CHI3L1: variants seen among roughly 807,000 people sequenced by gnomAD.
CHI3L1 encodes the protein chitinase-3-like protein 1.
CHI3L1 carries 30 observed loss-of-function variants against 40.7 expected under a neutral mutation model. That is an observed-to-expected ratio of 0.74 (90% confidence interval 0.55 to 1.00). The LOEUF is 1.00. CHI3L1 is among the 50% of genes least tolerant of loss of function. CHI3L1 has a pLI of 0.00. For synonymous variants in CHI3L1, 210 were observed against 192.1 expected (o/e 1.09, Z -0.77); for missense variants, 493 against 492.2 (o/e 1.00, Z -0.01).
chr1:203,183,492 C>A, intron 5 of CHI3L1, 149 bp downstream of exon 5: 1 of 767,844 alleles, frequency 1.3e-6, no homozygotes, highest in Non-Finnish European at 2.1e-6. Flanking sequence ...TATGTGAGAT[C>A]TTCAGGGCAC....
Position 203,181,058 on chromosome 1 carries a change from C to T in CHI3L1, c.711+104G>A, listed in dbSNP as rs955126150. On this transcript the variant is annotated intron_variant, in intron 7 of 9. Transcript: ENST00000255409. The stretch of plus-strand genomic sequence containing the variant: ...CTGTGGAATGGGCCTCATGACCCCC[C>T]TCTTGCAGGACTGTACTGAGGGCTA... 2.7e-5 allele frequency: 39 copies of T among 1,426,554 alleles called. No homozygotes were observed. The South Asian group carries it at 5.2e-4, about 19-fold the overall frequency. 88.4% of individuals were successfully genotyped at this position (1,426,554 alleles called of 1,614,324 possible).
chr1:203,179,824 G>A lies in CHI3L1; in HGVS notation c.948C>T (p.Val316=). The change falls in exon 9 of 10, where the codon GTC becomes GTT. Residue 316 remains valine (V), a synonymous_variant. Transcript: ENST00000255409. ...ACTGGTTGCCCTTGGTGGCATAGGG[G>A]ACCTGCTGGCCGAGGATTCTATGGA... ...ATVHRILGQQ[V]PYATKGNQWV... 6.2e-7 allele frequency: 1 copy of A among 1,614,174 alleles called. No homozygotes were observed. The highest frequency in any genetic ancestry group is 8.5e-7 in the Non-Finnish European group (1 of 1,180,012).
At chr1:203,180,241 C>T (rs1655905354) in intron 8 of CHI3L1, 1 of 574,814 alleles carries the variant, frequency 1.7e-6, no homozygotes, top group Non-Finnish European at 3.1e-6. Flanking sequence ...GCCCCATAGC[C>T]AGAGGGCTAT....
At position 203,184,606 on chromosome 1, in the gene CHI3L1, G is replaced by T. The variant is rs544815237; in HGVS notation, c.284C>A (p.Ser95Tyr). 1.9e-6 allele frequency: 3 copies of T among 1,614,100 alleles called. No homozygotes were observed. Among genetic ancestry groups the T allele is most frequent in the Non-Finnish European group, 2.5e-6 (3 of 1,179,956 alleles). Residue 95 changes from serine (S) to tyrosine (Y), a missense_variant, in exon 4 of 10, where the codon TCT becomes TAT. Transcript: ENST00000255409. ...NRNPNLKTLL[S>Y]VGGWNFGSQR... ...AGACCCAAAGTTCCATCCTCCGACA[G>T]ACAAGAGAGTCTTCAGGTTGGGGTT...
intron 3 of CHI3L1, among the ~76,000 whole-genome samples, chr1:203,184,944 G>A (rs1219630971): frequency 2.6e-5 from 4 of 152,068 alleles, no homozygotes; most frequent in African/African-American, 9.7e-5. Context: ...AGCACGTTAG[G>A]GGCAGGAGAG....
In CHI3L1 at chr1:203,179,452, GC is replaced by G. The variant is rs776309512; in HGVS notation, c.1144del (p.Ala382GlnfsTer55). Reference protein sequence around the residue: ...LTNAIKDALAAT With the variant: ...LTNAIKDALAXT ...TGTGTGCAGAACAGAGGGCTACGTT[GC>G]AGCGAGTGCATCCTTGATGGCATTG... On this transcript the variant is annotated frameshift_variant, in exon 10 of 10. Coordinates refer to ENST00000255409, the MANE Select transcript of CHI3L1 (RefSeq NM_001276.4). LOFTEE classifies it high-confidence loss of function. The G allele has an allele frequency of 4.6e-6, 7 of 1,536,440 alleles. No homozygotes were observed. The East Asian group carries it at 6.8e-5, about 15-fold the overall frequency.
chr1:203,185,175 T>G lies in CHI3L1; in HGVS notation c.257+9A>C, dbSNP rs1328880159. The G allele has an allele frequency of 6.2e-7, 1 of 1,611,922 alleles. No homozygotes were observed. Among genetic ancestry groups the G allele is most frequent in the East Asian group, 2.2e-5 (1 of 44,758 alleles). ...TGGTCCCTCCTCTCCTGGCCAGCCC[T>G]GGCCCAACCTGTTCTTGAGTGTGTT... On this transcript the variant is annotated intron_variant, in intron 3 of 9. Coordinates refer to ENST00000255409, the MANE Select transcript of CHI3L1 (RefSeq NM_001276.4).
At chr1:203,183,545 C>G (rs1655990688) in intron 5 of CHI3L1, 96 bp downstream of exon 5, 1 of 1,329,556 alleles carries the variant, frequency 7.5e-7, no homozygotes, top group Non-Finnish European at 1.1e-6. Context: ...CCCTCTTTAC[C>G]TGTCCTCAGG....
intron 6 of CHI3L1, 77 bp from the exon 7 acceptor site, chr1:203,181,362 C>T (rs1259258209): frequency 2.0e-6 from 3 of 1,520,340 alleles, no homozygotes; most frequent in Admixed American, 3.6e-5. Context: ...GTGGCTCATA[C>T]CTGGAATCCC....
Position 203,186,610 on chromosome 1 carries a change from G to A in CHI3L1, c.14C>T (p.Ala5Val), listed in dbSNP as rs372997557. 46 of 1,613,988 alleles carry A rather than the reference G, an allele frequency of 2.9e-5. No individual in the cohort carries two copies. The highest frequency in any genetic ancestry group is 2.3e-4 in the South Asian group (21 of 91,074). The change falls in exon 1 of 10, where the codon GCG (alanine) becomes GTG (valine). Residue 5 changes from alanine (A) to valine (V), a missense_variant. Coordinates refer to ENST00000255409, the MANE Select transcript of CHI3L1 (RefSeq NM_001276.4). MGVK[A>V]SQTGFVVLVL... Reference sequence around the variant, plus strand: ...GCTAGCCCAGATACCTGTTTGAGACGCCTTCACACCCATTCTGGCTGCAGC... The same window carrying A: ...GCTAGCCCAGATACCTGTTTGAGACACCTTCACACCCATTCTGGCTGCAGC...
At position 203,180,613 on chromosome 1, in the gene CHI3L1, C is replaced by T; in HGVS notation, c.751G>A (p.Ala251Thr). The change falls in exon 8 of 10, where the codon GCC becomes ACC. Residue 251 changes from alanine (A) to threonine (T), a missense_variant. Coordinates refer to ENST00000255409, the MANE Select transcript of CHI3L1 (RefSeq NM_001276.4). ...GGGATGCCCATCACCAGCTTACTGGCAGGAGCCCCCAGCCTCAACATGTAC... is the reference window on the plus strand; with the variant it reads ...GGGATGCCCATCACCAGCTTACTGGTAGGAGCCCCCAGCCTCAACATGTAC... Reference protein sequence around the residue: ...VGYMLRLGAPASKLVMGIPTF... With the variant: ...VGYMLRLGAPTSKLVMGIPTF... 6.2e-7 allele frequency: 1 copy of T among 1,612,060 alleles called. No homozygotes were observed. Among genetic ancestry groups the T allele is most frequent in the Non-Finnish European group, 8.5e-7 (1 of 1,179,206 alleles).
rs140662848 is a variant in CHI3L1 at position 203,180,398 on chromosome 1, G to A, written c.894+72C>T. 9.8e-4 allele frequency: 1,327 copies of A among 1,351,324 alleles called. 12 individuals carry two copies. The African/African-American group carries it at 0.016, about 16-fold the overall frequency. The allele number at this position is 1,351,324 out of a possible 1,614,324, so 83.7% of individuals were successfully genotyped here. ...TTCCCAAAGGAGAAAAAGCAAGAACGTGGTGGGGAATCACCTTCCCCAGGG... is the reference window on the plus strand; with the variant it reads ...TTCCCAAAGGAGAAAAAGCAAGAACATGGTGGGGAATCACCTTCCCCAGGG... On this transcript the variant is annotated intron_variant, in intron 8 of 9. Coordinates refer to ENST00000255409, the MANE Select transcript of CHI3L1 (RefSeq NM_001276.4).
intron 4 of CHI3L1, 90 bp from the exon 5 acceptor site, chr1:203,183,881 G>T: frequency 7.1e-7 from 1 of 1,417,076 alleles, no homozygotes; most frequent in Non-Finnish European, 9.9e-7. Flanking sequence ...CTGCAGAGCT[G>T]GGATCCTGAG....
chr1:203,186,220 G>A (rs1466876344), intron 2 of CHI3L1, 96 bp downstream of exon 2: 11 of 1,348,308 alleles, frequency 8.2e-6, no homozygotes, highest in Non-Finnish European at 1.1e-5. Context: ...GAAGAACCTG[G>A]CAAAGTGTTC....
At chr1:203,184,456 G>A (rs1656011134) in intron 4 of CHI3L1, 120 bp downstream of exon 4, 1 of 795,920 alleles carries the variant, frequency 1.3e-6, no homozygotes, top group Non-Finnish European at 2.2e-6. Context: ...AAACAGGTAG[G>A]CCTTGTACCT....
chr1:203,186,504 C>G, intron 1 of CHI3L1, 95 bp downstream of exon 1: 1 of 1,572,442 alleles, frequency 6.4e-7, no homozygotes, highest in South Asian at 1.1e-5. Context: ...CTGCCCACTC[C>G]CTTAGTCCCT....
At chr1:203,182,657 T>G in intron 6 of CHI3L1, 74 bp downstream of exon 6, 1 of 1,574,346 alleles carries the variant, frequency 6.4e-7, no homozygotes, top group Non-Finnish European at 8.7e-7. Context: ...CATGGAGTGC[T>G]AGGGCTGGGG....
At chr1:203,182,020 G>C (rs948253954) in intron 6 of CHI3L1, 1 of 152,458 alleles carries the variant, frequency 6.6e-6, no homozygotes, top group Admixed American at 6.5e-5. Context: ...GAGCCCACTG[G>C]GGGTGGATTG....
Position 203,180,425 on chromosome 1 carries a change from T to C in CHI3L1, c.894+45A>G. On this transcript the variant is annotated intron_variant, in intron 8 of 9. Coordinates refer to ENST00000255409, the MANE Select transcript of CHI3L1 (RefSeq NM_001276.4). The stretch of plus-strand genomic sequence containing the variant: ...GGTGGGGAATCACCTTCCCCAGGGC[T>C]GCTGGTGGTGTGGGGGAATCCTACC... 4 of 1,476,652 alleles carry C rather than the reference T, an allele frequency of 2.7e-6. No individual in the cohort carries two copies. The African/African-American group carries it at 5.7e-5, about 21-fold the overall frequency. 91.5% of individuals were successfully genotyped at this position (1,476,652 alleles called of 1,614,324 possible).
Sources: allele counts gnomAD v4.1 joint callset (sites outside exome capture counted in the v4.1 genomes callset), GRCh38; gene constraint gnomAD v4.1.1; transcripts MANE v1.5; gene names NCBI Gene and HGNC (gene_info 2026-07-23, HGNC 2026-07-21).